Variants in IFT80 observed in about 807,000 individuals in gnomAD.
IFT80 encodes intraflagellar transport 80.
A neutral mutation model predicts 107.9 loss-of-function variants in IFT80; 79 were observed. The observed-to-expected ratio is 0.73, with a 90% CI of 0.61 to 0.88. IFT80 has a LOEUF of 0.88. IFT80 is among the 40% of genes least tolerant of loss of function. The pLI is 0.00. For missense variants in IFT80, 797 were observed against 914.2 expected (o/e 0.87, Z 1.65); for synonymous variants, 299 against 300.9 (o/e 0.99, Z 0.07).
intron 8 of IFT80, among the ~76,000 whole-genome samples, chr3:160,342,298 A>G (rs778182492): frequency 2.0e-5 from 3 of 152,156 alleles, no homozygotes; most frequent in Non-Finnish European, 2.9e-5. Flanking sequence ...TGCTAATGCT[A>G]CTCTTACATT....
At chr3:160,296,390 C>T (rs923936340) in intron 12 of IFT80, among the ~76,000 whole-genome samples, 12 of 152,064 alleles carry the variant, frequency 7.9e-5, no homozygotes, top group African/African-American at 2.4e-4. Flanking sequence ...ATTCTAATTT[C>T]GCCAAAGGAG....
intron 9 of IFT80, among the ~76,000 whole-genome samples, chr3:160,315,058 A>AGGGAGGGAGGGG (rs1717699088): frequency 9.0e-5 from 2 of 22,242 alleles, no homozygotes; most frequent in African/African-American, 2.4e-4. Context: ...GAAGGAAGGG[A>AGGGAGGGAGGGG]GGGAGGGAGG....
chr3:160,290,477 G>C (rs1715468556), intron 12 of IFT80, among the ~76,000 whole-genome samples: 1 of 151,780 alleles, frequency 6.6e-6, no homozygotes, highest in African/African-American at 2.4e-5. Flanking sequence ...ACTAGATTGA[G>C]AAGATATAGA....
intron 15 of IFT80, among the ~76,000 whole-genome samples, chr3:160,279,968 A>AT (rs1188173162): frequency 2.0e-5 from 3 of 151,956 alleles, no homozygotes; most frequent in South Asian, 2.1e-4. Context: ...AAAAAGACTA[A>AT]TTTTTTTTCA....
chr3:160,378,047 C>T (rs936715059), intron 3 of IFT80, among the ~76,000 whole-genome samples: 5 of 152,128 alleles, frequency 3.3e-5, no homozygotes, highest in African/African-American at 1.2e-4. Flanking sequence ...AGCTTATGTC[C>T]TTTAAAGTTT....
rs556046575 is a variant in IFT80, at chr3:160,364,071, C to T, written c.549+1972G>A. 1.3e-3 allele frequency among the ~76,000 whole-genome samples: 191 copies of T among 152,224 alleles called. 1 individual carries two copies. The highest frequency in any genetic ancestry group is 4.4e-3 in the African/African-American group (184 of 41,536). ...AACTACCATCAGAGTGAACAGGCAA[C>T]CTACAGAATGGGAGAAAATTTTTGC... On this transcript the variant is annotated intron_variant, in intron 6 of 19. Transcript: ENST00000326448.
intron 1 of IFT80, among the ~76,000 whole-genome samples, chr3:160,389,944 C>T (rs1010192173): frequency 2.6e-5 from 4 of 152,118 alleles, no homozygotes; most frequent in African/African-American, 9.7e-5. Context: ...TACAGTCCCA[C>T]CAACAGTGTA....
At chr3:160,266,920 T>C (rs1426757791) in intron 19 of IFT80, among the ~76,000 whole-genome samples, 1 of 152,152 alleles carries the variant, frequency 6.6e-6, no homozygotes, top group Non-Finnish European at 1.5e-5. Context: ...GTGGCTGCTG[T>C]CATATATTAT....
chr3:160,313,559 A>G (rs1012292171), intron 9 of IFT80, among the ~76,000 whole-genome samples: 2 of 151,976 alleles, frequency 1.3e-5, no homozygotes, highest in Non-Finnish European at 2.9e-5. Flanking sequence ...AATTGCTGTT[A>G]TAGTTTCAAA....
At chr3:160,343,993 A>C (rs1378876512) in intron 8 of IFT80, among the ~76,000 whole-genome samples, 1 of 152,180 alleles carries the variant, frequency 6.6e-6, no homozygotes, top group Admixed American at 6.5e-5. Flanking sequence ...GCTATGTCAA[A>C]AGTTTCAAAG....
intron 11 of IFT80, among the ~76,000 whole-genome samples, chr3:160,303,568 TG>T (rs1254884906): frequency 6.6e-6 from 1 of 152,220 alleles, no homozygotes; most frequent in Non-Finnish European, 1.5e-5. Flanking sequence ...CATTCTCTCA[TG>T]TCATTACTCT....
At chr3:160,317,536 TA>T (rs1717907811) in intron 9 of IFT80, among the ~76,000 whole-genome samples, 2 of 152,106 alleles carry the variant, frequency 1.3e-5, no homozygotes, top group Non-Finnish European at 2.9e-5. Flanking sequence ...AGCACTACTA[TA>T]TTAGCTATAA....
intron 12 of IFT80, among the ~76,000 whole-genome samples, chr3:160,290,573 GTTT>G (rs1715477514): frequency 6.6e-6 from 1 of 151,896 alleles, no homozygotes; most frequent in Admixed American, 6.6e-5. Context: ...TTGTTTGTTT[GTTT>G]TTGTTTTGTT....
chr3:160,304,682 G>A (rs1246496508), intron 10 of IFT80, among the ~76,000 whole-genome samples: 4 of 151,906 alleles, frequency 2.6e-5, no homozygotes, highest in East Asian at 1.9e-4. Context: ...TGATCCACCC[G>A]CCTCTGCCTC....
intron 3 of IFT80, among the ~76,000 whole-genome samples, chr3:160,380,025 T>C (rs887117883): frequency 5.6e-5 from 8 of 142,708 alleles, no homozygotes; most frequent in Non-Finnish European, 9.1e-5. Flanking sequence ...AGTGTCCCAT[T>C]GTCTTTTTTT....
chr3:160,274,216 T>C lies in IFT80; in HGVS notation c.2099+3090A>G, dbSNP rs554447532. ...GAGGCAAAAAGGACACCAACTCCAC[T>C]CACACTGGATCCTAAGGAATGTAGA... is the stretch of plus-strand genomic sequence containing the variant. On this transcript the variant is annotated intron_variant, in intron 18 of 19. Coordinates refer to ENST00000326448, the MANE Select transcript of IFT80 (RefSeq NM_020800.3). Among the ~76,000 whole-genome samples the C allele has an allele frequency of 1.2e-4, 18 of 152,272 alleles. No homozygotes were observed. In the South Asian group the frequency reaches 3.5e-3, roughly 30 times the overall value.
intron 12 of IFT80, among the ~76,000 whole-genome samples, chr3:160,298,751 T>C (rs771968245): frequency 6.6e-6 from 1 of 152,160 alleles, no homozygotes; most frequent in South Asian, 2.1e-4. Flanking sequence ...TAACTTACTA[T>C]GCACTTAGGC....
At chr3:160,367,371 A>C (rs1721938135) in intron 5 of IFT80, among the ~76,000 whole-genome samples, 1 of 152,118 alleles carries the variant, frequency 6.6e-6, no homozygotes, top group African/African-American at 2.4e-5. Flanking sequence ...TAAAATACAA[A>C]TGGTATACTC....
At chr3:160,265,317 C>T (rs1025073527) in intron 19 of IFT80, among the ~76,000 whole-genome samples, 16 of 152,168 alleles carry the variant, frequency 1.1e-4, no homozygotes, top group Admixed American at 3.3e-4. Context: ...AGCAGCTTTT[C>T]GGTAGTAGCT....
Sources: allele counts gnomAD v4.1 joint callset (sites outside exome capture counted in the v4.1 genomes callset), GRCh38; gene constraint gnomAD v4.1.1; transcripts MANE v1.5; gene names NCBI Gene and HGNC (gene_info 2026-07-23, HGNC 2026-07-21).